The following RP1 variants were observed in gnomAD, a reference collection of about 807,000 sequenced individuals.
RP1 encodes RP1 axonemal microtubule associated.
In RP1, 16 loss-of-function variants were observed where a neutral mutation model predicts 14.8. The observed-to-expected ratio is 1.08, with a 90% CI of 0.73 to 1.65. RP1 has a LOEUF of 1.65. RP1 is among the 40% of genes most tolerant of loss of function. RP1 has a pLI of 0.00. For synonymous variants in RP1, 876 were observed against 883.6 expected, an observed-to-expected ratio of 0.99 and a Z score of 0.15; for missense variants, 2,631 against 2,535.0, an observed-to-expected ratio of 1.04 and a Z score of -0.81.
At chr8:54,724,080 T>C (rs968345138) in intron 16 of RP1, among the ~76,000 whole-genome samples, 1 of 152,198 alleles carries the variant, frequency 6.6e-6, no homozygotes, top group Non-Finnish European at 1.5e-5. Flanking sequence ...CATTAAAATA[T>C]GTTTGGACAT....
chr8:54,589,758 T>C (rs1480241089), intron 1 of RP1, among the ~76,000 whole-genome samples: 4 of 152,204 alleles, frequency 2.6e-5, no homozygotes, highest in Non-Finnish European at 5.9e-5. Context: ...ATATGCATCT[T>C]TTCTCAATTC....
At chr8:54,728,905 C>T (rs768582961) in intron 17 of RP1, among the ~76,000 whole-genome samples, 21 of 152,150 alleles carry the variant, frequency 1.4e-4, no homozygotes, top group East Asian at 3.9e-4. Flanking sequence ...TCAACATAGA[C>T]GTAGTTCTGT....
chr8:54,610,959 G>A (rs999349214), intron 1 of RP1, among the ~76,000 whole-genome samples: 6 of 152,126 alleles, frequency 3.9e-5, no homozygotes, highest in Non-Finnish European at 8.8e-5. Context: ...TATCTATCAA[G>A]GACTGTCTTA....
At position 54,626,417 on chromosome 8, in the gene RP1, G is replaced by T. The variant is rs1806051508; in HGVS notation, c.2535G>T (p.Gly845=). 6.2e-7 allele frequency: 1 copy of T among 1,613,586 alleles called. No individual in the cohort carries two copies. The highest frequency in any genetic ancestry group is 2.2e-5 in the East Asian group (1 of 44,784). Residue 845 remains glycine (G), a synonymous_variant, in exon 4 of 4, where the codon GGG becomes GGT. Coordinates refer to ENST00000220676, the MANE Select transcript of RP1 (RefSeq NM_006269.2). ...AATCTCAAGCAGAAGTGGCATCTGGGTATTTGAGAGGAATGGCAAAGAAGA... is the reference window on the plus strand; with the variant it reads ...AATCTCAAGCAGAAGTGGCATCTGGTTATTTGAGAGGAATGGCAAAGAAGA... ...APQSQAEVAS[G]YLRGMAKKSL...
chr8:54,660,125 CA>C (rs1162177585), intron 6 of RP1, among the ~76,000 whole-genome samples: 4 of 152,050 alleles, frequency 2.6e-5, no homozygotes, highest in African/African-American at 9.7e-5. Flanking sequence ...AACCTGCAAA[CA>C]GCGATAATCT....
rs894232963 is a variant in RP1, at chr8:54,752,010, G to T, written c.2809-2793G>T. Among the ~76,000 whole-genome samples the T allele has an allele frequency of 3.9e-5, 6 of 152,166 alleles. No homozygotes were observed. In the East Asian group the frequency reaches 1.2e-3, roughly 29 times the overall value. On this transcript the variant is annotated intron_variant, in intron 19 of 22. Transcript: ENST00000636932. ...GAAACCAGAGGCTTCTTGCCAATTT[G>T]CATGGAGAGGTTAATGTAGAGGAAG...
chr8:54,690,925 C>A (rs1402245099), intron 12 of RP1, among the ~76,000 whole-genome samples: 4 of 152,040 alleles, frequency 2.6e-5, no homozygotes, highest in Non-Finnish European at 5.9e-5. Flanking sequence ...ATGTTAAAAG[C>A]AGTCTGCTAG....
At chr8:54,691,907 C>T (rs192645046) in intron 12 of RP1, among the ~76,000 whole-genome samples, 42 of 152,002 alleles carry the variant, frequency 2.8e-4, no homozygotes, top group African/African-American at 9.9e-4. Flanking sequence ...TGTTCGTGTA[C>T]AGCACCCATT....
At chr8:54,764,227 C>A (rs528877889) in intron 22 of RP1, among the ~76,000 whole-genome samples, 23 of 152,232 alleles carry the variant, frequency 1.5e-4, no homozygotes, top group Non-Finnish European at 2.1e-4. Flanking sequence ...TCTGGGGGAA[C>A]CTTTGCAGCC....
At chr8:54,641,149 G>C (rs989677087) in intron 3 of RP1, among the ~76,000 whole-genome samples, 2 of 151,914 alleles carry the variant, frequency 1.3e-5, no homozygotes. Context: ...GTTTCACTGT[G>C]TTAGTCAGGA....
At chr8:54,868,781 T>C (rs1344735867) in intron 28 of RP1, among the ~76,000 whole-genome samples, 1 of 152,186 alleles carries the variant, frequency 6.6e-6, no homozygotes, top group Admixed American at 6.5e-5. Context: ...TCTTCCGCAG[T>C]ATAGATTATC....
intron 1 of RP1, among the ~76,000 whole-genome samples, chr8:54,568,671 G>C (rs150699199): frequency 1.7e-3 from 255 of 152,320 alleles, no homozygotes; most frequent in African/African-American, 5.2e-3. Flanking sequence ...AACAAGAATG[G>C]TGTGAGACAC....
chr8:54,561,462 G>C (rs1025580229), intron 1 of RP1, among the ~76,000 whole-genome samples: 1 of 152,128 alleles, frequency 6.6e-6, no homozygotes, highest in Non-Finnish European at 1.5e-5. Flanking sequence ...CAACATAACA[G>C]AGCAAAAACA....
intron 1 of RP1, among the ~76,000 whole-genome samples, chr8:54,559,649 A>T (rs569203700): frequency 6.6e-6 from 1 of 152,318 alleles, no homozygotes; most frequent in East Asian, 1.9e-4. Flanking sequence ...TGGGCCATGT[A>T]TACGACTTGT....
At chr8:54,766,620 A>C (rs1809767435) in intron 22 of RP1, among the ~76,000 whole-genome samples, 1 of 152,178 alleles carries the variant, frequency 6.6e-6, no homozygotes, top group South Asian at 2.1e-4. Flanking sequence ...GCCAAATATA[A>C]AATATATCTC....
At chr8:54,562,469 C>A (rs1290742099) in intron 1 of RP1, among the ~76,000 whole-genome samples, 1 of 152,042 alleles carries the variant, frequency 6.6e-6, no homozygotes, top group Non-Finnish European at 1.5e-5. Flanking sequence ...GGGTGGATCA[C>A]CTAAGGTCAG....
intron 25 of RP1, among the ~76,000 whole-genome samples, chr8:54,843,717 C>T (rs186935585): frequency 2.6e-3 from 390 of 152,300 alleles, no homozygotes; most frequent in African/African-American, 8.7e-3. Context: ...GTCGCTCTGA[C>T]TGCAGAGCTC....
At chr8:54,624,625 A>T (rs377486620) in intron 3 of RP1, 45 bp from the exon 4 acceptor site, 1 of 1,596,408 alleles carries the variant, frequency 6.3e-7, no homozygotes, top group African/African-American at 1.3e-5. Context: ...TGCCTTCCAT[A>T]TTATATTTTG....
rs561584366 is a variant in RP1, at chr8:54,734,691, C to T, written c.2668C>T (p.Arg890Cys). 4.2e-5 allele frequency: 64 copies of T among 1,535,680 alleles called. No individual in the cohort carries two copies. The South Asian group carries it at 6.1e-4, about 15-fold the overall frequency. The change falls in exon 18 of 23, where the codon CGC becomes TGC. Residue 890 changes from arginine to cysteine, a missense_variant. Transcript: ENST00000636932. ...AGGAGTCACTGGGCCAATAAGTCTT[C>T]GCAAGGACAGCTCAGAGCAGCTCTT...
Sources: gnomAD v4.1 joint callset for allele counts (sites outside exome capture counted in the v4.1 genomes callset) on GRCh38, gnomAD v4.1.1 for gene constraint, MANE v1.5 for transcripts, NCBI Gene and HGNC (gene_info 2026-07-23, HGNC 2026-07-21) for gene names.